CCDC3: variants seen among roughly 807,000 people sequenced by gnomAD.
The protein encoded by CCDC3 is coiled-coil domain-containing protein 3.
A neutral mutation model predicts 21.4 loss-of-function variants in CCDC3; 24 were observed. The ratio of observed to expected loss-of-function variants is 1.12; its 90% CI spans 0.81 to 1.58. The LOEUF (loss-of-function observed/expected upper bound fraction) is 1.58. Ranked by LOEUF, CCDC3 falls within the 40% of genes most tolerant of loss-of-function variation. The probability of loss-of-function intolerance (pLI) is 0.00; values close to 1 mark genes in which losing one functional copy is unlikely to be tolerated. For missense variants in CCDC3, 425 were observed against 360.9 expected, an observed-to-expected ratio of 1.18 and a Z score of -1.44; for synonymous variants, 186 against 166.0, an observed-to-expected ratio of 1.12 and a Z score of -0.93.
At chr10:12,926,322 T>C (rs1364757078) in intron 2 of CCDC3, among the ~76,000 whole-genome samples, 1 of 152,214 alleles carries the variant, frequency 6.6e-6, no homozygotes, top group African/African-American at 2.4e-5. Flanking sequence ...ATTCCTCATA[T>C]AGGCCAAGAA....
intron 5 of CCDC3, among the ~76,000 whole-genome samples, chr10:13,035,878 G>T (rs1836371148): frequency 6.6e-6 from 1 of 151,686 alleles, no homozygotes; most frequent in African/African-American, 2.4e-5. Flanking sequence ...AGGCATGGTG[G>T]CTCATGCCTG....
intron 3 of CCDC3, among the ~76,000 whole-genome samples, chr10:13,085,575 G>A (rs1837092183): frequency 6.6e-6 from 1 of 152,206 alleles, no homozygotes; most frequent in Non-Finnish European, 1.5e-5. Context: ...GTGGAAAGCA[G>A]TCTCCAACAT....
chr10:13,007,649 G>A (rs998464047), intron 5 of CCDC3, among the ~76,000 whole-genome samples: 7 of 152,060 alleles, frequency 4.6e-5, no homozygotes, highest in Non-Finnish European at 1.0e-4. Context: ...AGACACTTCT[G>A]AAGCAATAAT....
chr10:12,934,363 C>A (rs1357692399), intron 2 of CCDC3, among the ~76,000 whole-genome samples: 1 of 152,130 alleles, frequency 6.6e-6, no homozygotes, highest in Admixed American at 6.5e-5. Flanking sequence ...TTTTATGACC[C>A]AGAATGTGAT....
chr10:13,064,013 C>G (rs962969155), intron 4 of CCDC3, among the ~76,000 whole-genome samples: 1 of 152,062 alleles, frequency 6.6e-6, no homozygotes, highest in African/African-American at 2.4e-5. Context: ...CTGCAACCTC[C>G]GCCTCCCTGA....
At chr10:13,060,751 C>G (rs1836747200) in intron 4 of CCDC3, among the ~76,000 whole-genome samples, 1 of 152,140 alleles carries the variant, frequency 6.6e-6, no homozygotes, top group African/African-American at 2.4e-5. Context: ...AGCAGTCCTC[C>G]CTCTTCGGCC....
At chr10:13,076,053 C>T (rs1222372751) in intron 3 of CCDC3, among the ~76,000 whole-genome samples, 2 of 151,896 alleles carry the variant, frequency 1.3e-5, no homozygotes, top group Non-Finnish European at 2.9e-5. Flanking sequence ...CAGAGCAAGA[C>T]CCTATCTTAA....
chr10:12,970,569 T>C (rs1835326682), intron 2 of CCDC3, among the ~76,000 whole-genome samples: 1 of 152,186 alleles, frequency 6.6e-6, no homozygotes, highest in Non-Finnish European at 1.5e-5. Context: ...CAACTTTTAC[T>C]TAATTAAATA....
chr10:13,033,801 C>T (rs1836337604), intron 5 of CCDC3, among the ~76,000 whole-genome samples: 1 of 152,200 alleles, frequency 6.6e-6, no homozygotes, highest in African/African-American at 2.4e-5. Context: ...GATACCATCT[C>T]ACACCAGTTA....
chr10:12,930,973 G>A (rs943999923), intron 2 of CCDC3, among the ~76,000 whole-genome samples: 5 of 152,132 alleles, frequency 3.3e-5, no homozygotes, highest in African/African-American at 1.2e-4. Flanking sequence ...CACTTTGGGA[G>A]GCCGAGACGG....
chr10:12,908,161 A>G (rs1018968580), intron 2 of CCDC3, among the ~76,000 whole-genome samples: 1 of 152,198 alleles, frequency 6.6e-6, no homozygotes, highest in African/African-American at 2.4e-5. Flanking sequence ...TCTACTACAA[A>G]GGTTTCCCAA....
chr10:12,898,087 C>G lies in CCDC3; in HGVS notation c.*329G>C, dbSNP rs1464406911. The stretch of plus-strand genomic sequence containing the variant: ...GCTAAGCACGTTGATGTCTTTTACA[C>G]TAGAGATTCTAAAATGTTCTCTCCC... On this transcript the variant is annotated 3_prime_UTR_variant, in exon 3 of 3. Transcript: ENST00000378825. 9.4e-6 allele frequency: 3 copies of G among 317,838 alleles called. No individual in the cohort carries two copies. The highest frequency in any genetic ancestry group is 1.7e-5 in the Non-Finnish European group (3 of 172,280). 19.7% of individuals were successfully genotyped at this position (317,838 alleles called of 1,614,324 possible).
intron 3 of CCDC3, among the ~76,000 whole-genome samples, chr10:13,084,284 TTTC>T (rs1413306003): frequency 6.8e-5 from 6 of 88,068 alleles, no homozygotes; most frequent in Non-Finnish European, 1.2e-4. Flanking sequence ...CTTCTTTTCT[TTTC>T]TTTTTTTTTT....
At chr10:13,056,856 G>A (rs1445287179) in intron 4 of CCDC3, among the ~76,000 whole-genome samples, 2 of 152,164 alleles carry the variant, frequency 1.3e-5, no homozygotes, top group Non-Finnish European at 2.9e-5. Flanking sequence ...GAAGGGAGAG[G>A]AGTTGTATGG....
chr10:13,075,293 C>T (rs934665419), intron 3 of CCDC3, among the ~76,000 whole-genome samples: 1 of 152,212 alleles, frequency 6.6e-6, no homozygotes, highest in African/African-American at 2.4e-5. Flanking sequence ...GTATCCCCAG[C>T]ATCCTGCATA....
intron 5 of CCDC3, among the ~76,000 whole-genome samples, chr10:13,022,242 C>T: frequency 6.6e-6 from 1 of 152,194 alleles, no homozygotes; most frequent in South Asian, 2.1e-4. Context: ...TCAAAGCAAT[C>T]CTCTCTCTCT....
chr10:12,932,845 G>A (rs773609460), intron 2 of CCDC3, among the ~76,000 whole-genome samples: 35 of 152,212 alleles, frequency 2.3e-4, no homozygotes, highest in Admixed American at 6.5e-5. Flanking sequence ...CCTCTACTCC[G>A]AGTTTGCTGA....
intron 2 of CCDC3, among the ~76,000 whole-genome samples, chr10:12,946,435 T>C (rs1834917599): frequency 6.6e-6 from 1 of 151,974 alleles, no homozygotes; most frequent in African/African-American, 2.4e-5. Context: ...TTAGGAGTAT[T>C]TTTTTTTGGT....
chr10:13,089,518 A>G (rs182378238), intron 3 of CCDC3, among the ~76,000 whole-genome samples: 68 of 152,056 alleles, frequency 4.5e-4, no homozygotes, highest in Middle Eastern at 3.4e-3. Context: ...CCTTCCTGAT[A>G]CTTTTCCTCA....
Sources: allele counts gnomAD v4.1 joint callset (sites outside exome capture counted in the v4.1 genomes callset), GRCh38; gene constraint gnomAD v4.1.1; transcripts MANE v1.5; gene names NCBI Gene and HGNC (gene_info 2026-07-23, HGNC 2026-07-21).